MVB12B: variants seen among roughly 807,000 people sequenced by gnomAD.
MVB12B encodes multivesicular body subunit 12B.
In MVB12B, 16 loss-of-function variants were observed where a neutral mutation model predicts 41.6. The observed-to-expected ratio is 0.38, with a 90% CI of 0.26 to 0.58. The LOEUF (loss-of-function observed/expected upper bound fraction) is 0.58. Ranked by LOEUF, MVB12B falls within the 20% of genes least tolerant of loss-of-function variation. The pLI is 0.62. For missense variants in MVB12B, 274 were observed against 380.2 expected (o/e 0.72, Z 2.32); for synonymous variants, 133 against 139.7 (o/e 0.95, Z 0.34).
At chr9:126,457,188 G>A (rs1026030495) in intron 7 of MVB12B, among the ~76,000 whole-genome samples, 15 of 152,060 alleles carry the variant, frequency 9.9e-5, no homozygotes, top group African/African-American at 2.2e-4. Context: ...CCCACACTGC[G>A]GCCAAGTCTC....
intron 7 of MVB12B, among the ~76,000 whole-genome samples, chr9:126,426,482 T>C (rs2119103057): frequency 1.3e-5 from 2 of 152,330 alleles, no homozygotes; most frequent in Non-Finnish European, 2.9e-5. Context: ...CTGAGTTTCC[T>C]GGTCAGGACT....
At chr9:126,372,358 C>A (rs1348616231) in intron 2 of MVB12B, among the ~76,000 whole-genome samples, 1 of 152,140 alleles carries the variant, frequency 6.6e-6, no homozygotes, top group East Asian at 1.9e-4. Flanking sequence ...TGTATGTAGA[C>A]GCTTGTTTTC....
chr9:126,413,368 C>T lies in MVB12B; in HGVS notation c.663-8486C>T, dbSNP rs770522263. On this transcript the variant is annotated intron_variant, in intron 6 of 9. Coordinates refer to ENST00000361171, the MANE Select transcript of MVB12B (RefSeq NM_033446.3). ...TGGAGTAGGGGGGGTCTCAGCAACT[C>T]GCCGTAGGATTGGGTTAGGGATCAT... Among the ~76,000 whole-genome samples the T allele has an allele frequency of 7.9e-4, 120 of 152,088 alleles. 2 individuals carry two copies. The highest frequency in any genetic ancestry group is 2.0e-4 in the Admixed American group (3 of 15,264).
intron 2 of MVB12B, among the ~76,000 whole-genome samples, chr9:126,350,670 T>A (rs569069633): frequency 1.6e-4 from 25 of 152,278 alleles, no homozygotes; most frequent in Admixed American, 1.5e-3. Flanking sequence ...AGCCACCAGT[T>A]CTGCTCCCAT....
chr9:126,447,734 T>C (rs1055697331), intron 7 of MVB12B, among the ~76,000 whole-genome samples: 5 of 152,348 alleles, frequency 3.3e-5, no homozygotes, highest in South Asian at 4.1e-4. Flanking sequence ...CATATAGATA[T>C]ATACATTCAT....
chr9:126,358,042 T>C lies in MVB12B; in HGVS notation c.204+17412T>C, dbSNP rs1273577652. Reference sequence around the variant, plus strand: ...AAATATCATTTTTTATATATAGCTGTCCAATTGTTCTAGTACCCTTTCTTT... The same window carrying C: ...AAATATCATTTTTTATATATAGCTGCCCAATTGTTCTAGTACCCTTTCTTT... On this transcript the variant is annotated intron_variant, in intron 2 of 9. Transcript: ENST00000361171. Among the ~76,000 whole-genome samples, 3 of 152,112 alleles carry C rather than the reference T, an allele frequency of 2.0e-5. No homozygotes were observed. The East Asian group carries it at 5.8e-4, about 29-fold the overall frequency.
intron 2 of MVB12B, among the ~76,000 whole-genome samples, chr9:126,373,459 C>A (rs1830395955): frequency 6.6e-6 from 1 of 152,252 alleles, no homozygotes; most frequent in Non-Finnish European, 1.5e-5. Context: ...GAACTTCATT[C>A]TTGTTCATCG....
At chr9:126,438,125 A>G (rs1477457543) in intron 7 of MVB12B, among the ~76,000 whole-genome samples, 4 of 152,250 alleles carry the variant, frequency 2.6e-5, no homozygotes, top group Non-Finnish European at 5.9e-5. Context: ...GCAAAATTGT[A>G]TTATGAAGTA....
intron 7 of MVB12B, among the ~76,000 whole-genome samples, chr9:126,455,371 A>G (rs1257046749): frequency 6.6e-6 from 1 of 151,516 alleles, no homozygotes; most frequent in Non-Finnish European, 1.5e-5. Context: ...TATTTTTAGT[A>G]GAGACGGGGT....
At chr9:126,382,389 A>T (rs1461847413) in intron 3 of MVB12B, among the ~76,000 whole-genome samples, 5 of 152,208 alleles carry the variant, frequency 3.3e-5, no homozygotes, top group Non-Finnish European at 2.9e-5. Context: ...TTTTCCCCTA[A>T]TTACAAGAGC....
rs1564304865 is a variant in MVB12B at position 126,391,072 on chromosome 9, G to A, written c.410-994G>A. 6.6e-6 allele frequency among the ~76,000 whole-genome samples: 1 copy of A among 152,168 alleles called. No homozygotes were observed. Among genetic ancestry groups the A allele is most frequent in the Non-Finnish European group, 1.5e-5 (1 of 68,018 alleles). ...GAGGGTGAGAAAGTGCTCAGAGGAT[G>A]GCAGTTGGGGAACTGTGTGACCGAG... On this transcript the variant is annotated intron_variant, in intron 4 of 9. Transcript: ENST00000361171. The surrounding 1 kb of genome is among the most constrained non-coding windows in gnomAD (Gnocchi z 4.4).
At chr9:126,368,220 G>A (rs1323890372) in intron 2 of MVB12B, among the ~76,000 whole-genome samples, 1 of 152,210 alleles carries the variant, frequency 6.6e-6, no homozygotes. Flanking sequence ...GGCTCAGAGA[G>A]GTTAAGTAAC....
intron 9 of MVB12B, among the ~76,000 whole-genome samples, chr9:126,502,680 G>A (rs1833984645): frequency 6.6e-6 from 1 of 152,158 alleles, no homozygotes; most frequent in African/African-American, 2.4e-5. Context: ...CCATGACCCT[G>A]GGCACCACCT....
intron 2 of MVB12B, among the ~76,000 whole-genome samples, chr9:126,349,861 G>A (rs540317293): frequency 1.1e-3 from 171 of 152,278 alleles, no homozygotes; most frequent in African/African-American, 4.0e-3. Flanking sequence ...ATTCCTCTGG[G>A]ATAAATATCC....
chr9:126,449,428 G>A (rs1272774449), intron 7 of MVB12B, among the ~76,000 whole-genome samples: 1 of 152,150 alleles, frequency 6.6e-6, no homozygotes, highest in East Asian at 1.9e-4. Flanking sequence ...GACAGGTCTG[G>A]CCTCCCTGGC....
At chr9:126,479,533 G>A (rs775446777) in intron 7 of MVB12B, among the ~76,000 whole-genome samples, 2 of 152,228 alleles carry the variant, frequency 1.3e-5, no homozygotes, top group Non-Finnish European at 1.5e-5. Context: ...GCCCAAATGC[G>A]GGACGTACTG....
At position 126,389,973 on chromosome 9, in the gene MVB12B, C is replaced by T. The variant is rs1253314319; in HGVS notation, c.410-2093C>T. Among the ~76,000 whole-genome samples the T allele has an allele frequency of 6.6e-6, 1 of 152,144 alleles. No individual in the cohort carries two copies. Among genetic ancestry groups the T allele is most frequent in the Non-Finnish European group, 1.5e-5 (1 of 68,028 alleles). ...GACTCTTTAAAAAACAACCCTACCC[C>T]CCTCAAAATATAATAACAAAACAAT... On this transcript the variant is annotated intron_variant, in intron 4 of 9. Transcript: ENST00000361171. The surrounding 1 kb of genome is among the most constrained non-coding windows in gnomAD (Gnocchi z 4.4).
At position 126,506,700 on chromosome 9, in the gene MVB12B, G is replaced by C. The variant is rs1003436559; in HGVS notation, c.*3437G>C. ...ACGCAGCGGCTGAGCTCATGAACTT[G>C]GTTCGCAGCCTGCCTTGCCCCTGGA... On this transcript the variant is annotated 3_prime_UTR_variant, in exon 10 of 10. Transcript: ENST00000361171. The C allele has an allele frequency of 6.6e-6, 1 of 152,276 alleles. No homozygotes were observed. Among genetic ancestry groups the C allele is most frequent in the African/African-American group, 2.4e-5 (1 of 41,450 alleles). 9.4% of individuals were successfully genotyped at this position (152,276 alleles called of 1,614,324 possible).
intron 2 of MVB12B, among the ~76,000 whole-genome samples, chr9:126,350,553 C>T (rs1420897450): frequency 6.6e-6 from 1 of 152,234 alleles, no homozygotes; most frequent in Admixed American, 6.5e-5. Context: ...TGAGGGCCTT[C>T]TTGCTTGGTG....
Sources: allele counts gnomAD v4.1 joint callset (sites outside exome capture counted in the v4.1 genomes callset), GRCh38; gene constraint gnomAD v4.1.1; non-coding constraint Gnocchi (gnomAD v3.1); transcripts MANE v1.5; gene names NCBI Gene and HGNC (gene_info 2026-07-23, HGNC 2026-07-21).